The following CDH13 variants were observed in gnomAD, a reference collection of about 807,000 sequenced individuals.
CDH13 encodes the protein cadherin 13.
CDH13 carries 24 observed loss-of-function variants against 63.8 expected under a neutral mutation model. That is an observed-to-expected ratio of 0.38 (90% confidence interval 0.27 to 0.53). CDH13 has a LOEUF of 0.53. Ranked by LOEUF, CDH13 falls within the 20% of genes least tolerant of loss-of-function variation. The probability of loss-of-function intolerance (pLI) is 0.85; values close to 1 mark genes in which losing one functional copy is unlikely to be tolerated. For synonymous variants in CDH13, 503 were observed against 355.3 expected (o/e 1.42, Z -4.67); for missense variants, 1,049 against 903.1 (o/e 1.16, Z -2.07).
rs559586481 is a variant in CDH13 at position 83,287,432 on chromosome 16, C to T, written c.637-57430C>T. Among the ~76,000 whole-genome samples, 9 of 152,342 alleles carry T rather than the reference C, an allele frequency of 5.9e-5. No homozygotes were observed. The East Asian group carries it at 1.5e-3, about 26-fold the overall frequency. On this transcript the variant is annotated intron_variant, in intron 5 of 13. Transcript: ENST00000567109. ...TTCATCTGTATTTACAGCCACTCCC[C>T]ATCGCTTGCACTACTGCCTGAGCTC... is the stretch of plus-strand genomic sequence containing the variant.
At chr16:83,189,273 GC>G (rs1428964080) in intron 4 of CDH13, among the ~76,000 whole-genome samples, 1 of 152,134 alleles carries the variant, frequency 6.6e-6, no homozygotes, top group Non-Finnish European at 1.5e-5. Context: ...CAGGCCTCCA[GC>G]CCCTCATGCA....
At chr16:83,032,799 G>A (rs1000119293) in intron 3 of CDH13, among the ~76,000 whole-genome samples, 7 of 152,148 alleles carry the variant, frequency 4.6e-5, no homozygotes, top group Non-Finnish European at 8.8e-5. Flanking sequence ...CTATTCACCT[G>A]AAAACTCATG....
intron 4 of CDH13, among the ~76,000 whole-genome samples, chr16:83,199,214 C>A (rs2038958321): frequency 1.3e-5 from 2 of 152,202 alleles, no homozygotes; most frequent in African/African-American, 4.8e-5. Flanking sequence ...ACCCACGGTG[C>A]CATGTGGGCT....
chr16:83,268,477 A>C (rs572548886), intron 5 of CDH13, among the ~76,000 whole-genome samples: 49 of 152,336 alleles, frequency 3.2e-4, no homozygotes, highest in African/African-American at 1.1e-3. Flanking sequence ...ACAATTGGAT[A>C]GGTACTTCTT....
chr16:83,080,871 G>GGTTTTTTTTTTTTTT (rs2033183201), intron 3 of CDH13, among the ~76,000 whole-genome samples: 4 of 46,956 alleles, frequency 8.5e-5, no homozygotes, highest in African/African-American at 3.7e-4. Flanking sequence ...TTGTTTTTGT[G>GGTTTTTTTTTTTTTT]TTTTTTTTTT....
chr16:83,395,734 T>C (rs8057619), intron 6 of CDH13, among the ~76,000 whole-genome samples: 15,939 of 152,246 alleles, frequency 0.1, 862 homozygotes, highest in East Asian at 0.2. Flanking sequence ...TGAAGGCGGC[T>C]GAAACCTGAA....
At chr16:83,132,828 A>G (rs574249238) in intron 4 of CDH13, among the ~76,000 whole-genome samples, 3 of 152,220 alleles carry the variant, frequency 2.0e-5, no homozygotes, top group Non-Finnish European at 2.9e-5. Context: ...TAAGATGCCT[A>G]AAGGCTCAGT....
intron 1 of CDH13, among the ~76,000 whole-genome samples, chr16:82,649,026 C>A (rs1284792321): frequency 6.6e-6 from 1 of 151,996 alleles, no homozygotes; most frequent in African/African-American, 2.4e-5. Context: ...AGAAATGATT[C>A]CAACATTTTA....
chr16:82,666,207 G>A (rs1014319950), intron 1 of CDH13, among the ~76,000 whole-genome samples: 1 of 152,164 alleles, frequency 6.6e-6, no homozygotes, highest in Non-Finnish European at 1.5e-5. Context: ...ATCCTTAGGT[G>A]TTTATTCATC....
At chr16:83,334,058 C>G (rs13333841) in intron 5 of CDH13, among the ~76,000 whole-genome samples, 47,822 of 151,966 alleles carry the variant, frequency 0.31, 7,711 homozygotes, top group East Asian at 0.46. Context: ...CTTGCCTTTT[C>G]TAGCTTCTAA....
intron 3 of CDH13, among the ~76,000 whole-genome samples, chr16:83,088,126 C>G (rs1001317609): frequency 2.0e-5 from 3 of 152,184 alleles, no homozygotes; most frequent in Non-Finnish European, 2.9e-5. Context: ...TTCTGACTAT[C>G]TTAATTCAGA....
chr16:83,281,901 G>C (rs909003145), intron 5 of CDH13, among the ~76,000 whole-genome samples: 1 of 152,058 alleles, frequency 6.6e-6, no homozygotes, highest in African/African-American at 2.4e-5. Flanking sequence ...CAACAGAGCG[G>C]GACTCCGTTT....
chr16:82,712,950 C>G (rs1303246950), intron 1 of CDH13, among the ~76,000 whole-genome samples: 1 of 152,100 alleles, frequency 6.6e-6, no homozygotes, highest in African/African-American at 2.4e-5. Flanking sequence ...TGAGCTTCAT[C>G]AAGGAATTTC....
At chr16:83,314,288 A>AT (rs5818438) in intron 5 of CDH13, among the ~76,000 whole-genome samples, 39,805 of 151,626 alleles carry the variant, frequency 0.26, 5,300 homozygotes, top group East Asian at 0.41. Flanking sequence ...CAAAAATGTG[A>AT]TTTTTTTTTC....
chr16:83,464,953 C>G (rs1474277882), intron 6 of CDH13, among the ~76,000 whole-genome samples: 2 of 152,114 alleles, frequency 1.3e-5, no homozygotes, highest in African/African-American at 4.8e-5. Context: ...CTGTATCTAG[C>G]AAGGGCCATT....
chr16:83,727,354 C>T lies in CDH13; in HGVS notation c.1539-20754C>T, dbSNP rs556113734. On this transcript the variant is annotated intron_variant, in intron 10 of 13. Coordinates refer to ENST00000567109, the MANE Select transcript of CDH13 (RefSeq NM_001257.5). The stretch of plus-strand genomic sequence containing the variant: ...CTGCTGAGTGTTTAGAGAACAGACA[C>T]ATTCATCATTTTATTGTATTTTCTC... 3.2e-4 allele frequency among the ~76,000 whole-genome samples: 49 copies of T among 152,208 alleles called. No individual in the cohort carries two copies. The South Asian group carries it at 8.3e-3, about 26-fold the overall frequency.
intron 1 of CDH13, among the ~76,000 whole-genome samples, chr16:82,637,049 T>G (rs1256259196): frequency 6.6e-6 from 1 of 152,172 alleles, no homozygotes; most frequent in East Asian, 1.9e-4. Context: ...GATGTTAGAA[T>G]GCAGGGAAGT....
intron 2 of CDH13, among the ~76,000 whole-genome samples, chr16:82,948,835 T>A (rs900705753): frequency 5.9e-5 from 9 of 152,134 alleles, no homozygotes; most frequent in African/African-American, 2.2e-4. Flanking sequence ...GATTGTAGAG[T>A]ATTAATTATT....
At chr16:83,120,279 G>A (rs758586686) in intron 3 of CDH13, among the ~76,000 whole-genome samples, 1 of 152,236 alleles carries the variant, frequency 6.6e-6, no homozygotes, top group Non-Finnish European at 1.5e-5. Context: ...ATGGGCAGCT[G>A]TGGAGTTGAT....
Sources: allele counts gnomAD v4.1 joint callset (sites outside exome capture counted in the v4.1 genomes callset), GRCh38; gene constraint gnomAD v4.1.1; transcripts MANE v1.5; gene names NCBI Gene and HGNC (gene_info 2026-07-23, HGNC 2026-07-21).